NXN: variants seen among roughly 807,000 people sequenced by gnomAD.
NXN encodes nucleoredoxin, also known as nucleoredoxin 1.
Under a neutral mutation model 48.6 loss-of-function variants are expected in NXN, and 16 were observed. The observed-to-expected ratio is 0.33, with a 90% CI of 0.22 to 0.50. The LOEUF (loss-of-function observed/expected upper bound fraction) is 0.50, where lower values mean the gene tolerates loss of function less well. NXN is among the 20% of genes least tolerant of loss of function. The pLI, the probability that NXN is intolerant of heterozygous loss-of-function variation, is 0.98. For missense variants in NXN, 492 were observed against 605.5 expected, an observed-to-expected ratio of 0.81 and a Z score of 1.97; for synonymous variants, 281 against 269.6, an observed-to-expected ratio of 1.04 and a Z score of -0.41.
At chr17:900,746 A>C (rs531888424) in intron 1 of NXN, among the ~76,000 whole-genome samples, 70 of 152,144 alleles carry the variant, frequency 4.6e-4, no homozygotes, top group Admixed American at 7.2e-4. Context: ...GCCAAAAAAA[A>C]AGTACCTTTT....
chr17:886,948 C>T (rs2068355122), intron 1 of NXN, among the ~76,000 whole-genome samples: 1 of 151,620 alleles, frequency 6.6e-6, no homozygotes, highest in Admixed American at 6.6e-5. Context: ...TATTTTTTTT[C>T]AGATCCAGGC....
intron 1 of NXN, among the ~76,000 whole-genome samples, chr17:840,985 G>T (rs2144705313): frequency 6.6e-6 from 1 of 152,356 alleles, no homozygotes; most frequent in Admixed American, 6.5e-5. Context: ...GGGAGGCAGA[G>T]TGTAGGGTGA....
intron 1 of NXN, among the ~76,000 whole-genome samples, chr17:871,226 TGAACTAAG>T (rs2068150185): frequency 6.6e-6 from 1 of 151,880 alleles, no homozygotes; most frequent in East Asian, 1.9e-4. Context: ...GCAGCCACCA[TGAACTAAG>T]GGAGTGTACA....
chr17:951,427 G>C (rs9896555), intron 1 of NXN, among the ~76,000 whole-genome samples: 62,681 of 151,598 alleles, frequency 0.41, 13,787 homozygotes, highest in East Asian at 0.67. Flanking sequence ...GTGTTGCAAC[G>C]ATCGCACGAG....
chr17:915,320 G>A (rs1426804557), intron 1 of NXN, among the ~76,000 whole-genome samples: 1 of 152,084 alleles, frequency 6.6e-6, no homozygotes, highest in African/African-American at 2.4e-5. Context: ...CTGAGATAGA[G>A]TCTCACTCTG....
intron 1 of NXN, among the ~76,000 whole-genome samples, chr17:940,134 G>GC (rs71145796): frequency 2.0e-5 from 2 of 102,488 alleles, no homozygotes; most frequent in Admixed American, 1.3e-4. Flanking sequence ...AGATCGAGGT[G>GC]GGGGGGTCTC....
intron 1 of NXN, among the ~76,000 whole-genome samples, chr17:974,542 C>T (rs531685691): frequency 5.9e-5 from 9 of 151,908 alleles, no homozygotes; most frequent in South Asian, 2.1e-4. Context: ...TATTATCTCG[C>T]GTAGCCTTTA....
intron 1 of NXN, among the ~76,000 whole-genome samples, chr17:948,639 C>G (rs1003087087): frequency 6.6e-6 from 1 of 151,992 alleles, no homozygotes; most frequent in Non-Finnish European, 1.5e-5. Context: ...AACCATCACT[C>G]GGTGCTTCAC....
intron 1 of NXN, among the ~76,000 whole-genome samples, chr17:925,034 C>T (rs561180357): frequency 6.6e-6 from 1 of 152,210 alleles, no homozygotes; most frequent in Non-Finnish European, 1.5e-5. Context: ...GAGCAGCCGG[C>T]GGATTCAGGT....
At chr17:853,725 T>TATATA (rs1244981485) in intron 1 of NXN, among the ~76,000 whole-genome samples, 2,246 of 85,332 alleles carry the variant, frequency 0.026, 25 homozygotes, top group Non-Finnish European at 0.037. Flanking sequence ...ATATATATAT[T>TATATA]TTTTTTTTTT....
intron 1 of NXN, among the ~76,000 whole-genome samples, chr17:853,723 A>ATATATATATATATATTTT (rs1491528474): frequency 1.6e-4 from 17 of 105,958 alleles, no homozygotes; most frequent in Non-Finnish European, 2.5e-4. Context: ...ATATATATAT[A>ATATATATATATATATTTT]TTTTTTTTTT....
chr17:906,017 GTTAATC>G (rs1398464472), intron 1 of NXN, among the ~76,000 whole-genome samples: 1 of 151,426 alleles, frequency 6.6e-6, no homozygotes, highest in African/African-American at 2.4e-5. Flanking sequence ...TACAGGTGAA[GTTAATC>G]TTAATATATT....
At chr17:826,401 G>T (rs537416981) in intron 1 of NXN, among the ~76,000 whole-genome samples, 2 of 152,278 alleles carry the variant, frequency 1.3e-5, no homozygotes, top group Admixed American at 1.3e-4. Flanking sequence ...CAGCATAGGG[G>T]ACTCAGAGGC....
chr17:874,217 T>C (rs1403179754), intron 1 of NXN, among the ~76,000 whole-genome samples: 1 of 152,084 alleles, frequency 6.6e-6, no homozygotes, highest in Non-Finnish European at 1.5e-5. Context: ...TGCTTCCCTT[T>C]CCCCCATGAT....
intron 1 of NXN, among the ~76,000 whole-genome samples, chr17:903,135 T>C (rs1053092827): frequency 3.3e-5 from 5 of 152,116 alleles, no homozygotes; most frequent in Admixed American, 1.3e-4. Context: ...ATAACTATAA[T>C]AACAACAATA....
At chr17:970,404 G>A (rs1369014094) in intron 1 of NXN, among the ~76,000 whole-genome samples, 3 of 151,842 alleles carry the variant, frequency 2.0e-5, no homozygotes, top group African/African-American at 7.3e-5. Context: ...GAGTTGGGGG[G>A]CCCTTCACTG....
chr17:808,134 T>C (rs919627788), intron 5 of NXN, among the ~76,000 whole-genome samples: 9 of 152,124 alleles, frequency 5.9e-5, no homozygotes, highest in African/African-American at 2.2e-4. Flanking sequence ...GCACCTGCGA[T>C]GGGGACTGTC....
intron 1 of NXN, among the ~76,000 whole-genome samples, chr17:838,815 CT>C (rs67989927): frequency 0.047 from 7,093 of 152,250 alleles, 279 homozygotes; most frequent in East Asian, 0.24. Context: ...CTACAGCTGC[CT>C]CCCTTCCAAA....
chr17:883,957 G>A (rs1289159805), intron 1 of NXN, among the ~76,000 whole-genome samples: 1 of 152,166 alleles, frequency 6.6e-6, no homozygotes, highest in Non-Finnish European at 1.5e-5. Flanking sequence ...GGTGGCTCAC[G>A]CCTGTCATCC....
Sources: gnomAD v4.1 joint callset for allele counts (sites outside exome capture counted in the v4.1 genomes callset) on GRCh38, gnomAD v4.1.1 for gene constraint, MANE v1.5 for transcripts, NCBI Gene and HGNC (gene_info 2026-07-23, HGNC 2026-07-21) for gene names.